MDFIC2: variants seen among roughly 807,000 people sequenced by gnomAD.
MDFIC2 encodes the protein MyoD family inhibitor domain containing 2.
At chr3:70,252,764 C>T (rs1026127526) in intron 2 of MDFIC2, among the ~76,000 whole-genome samples, 2 of 151,996 alleles carry the variant, frequency 1.3e-5, no homozygotes, top group African/African-American at 4.8e-5. Flanking sequence ...GTGAACAAAA[C>T]AAACTAAACC....
intron 2 of MDFIC2, among the ~76,000 whole-genome samples, chr3:70,230,469 A>G (rs572807429): frequency 1.1e-4 from 16 of 149,372 alleles, no homozygotes; most frequent in Admixed American, 2.7e-4. Flanking sequence ...CTATGAAATT[A>G]TTGTTACATT....
chr3:70,196,242 C>G lies in MDFIC2; in HGVS notation c.*684G>C, dbSNP rs1006018215. ...TAAGAATATGAATAACCTGTTATGA[C>G]ATAGTCATAGACATACAATAATATG... On this transcript the variant is annotated 3_prime_UTR_variant, in exon 4 of 4. Coordinates refer to ENST00000567252, the MANE Select transcript of MDFIC2 (RefSeq NM_001364677.1). 6.6e-6 allele frequency among the ~76,000 whole-genome samples: 1 copy of G among 152,124 alleles called. No individual in the cohort carries two copies. Among genetic ancestry groups the G allele is most frequent in the African/African-American group, 2.4e-5 (1 of 41,442 alleles).
At chr3:70,219,245 A>G (rs1701440930) in intron 2 of MDFIC2, among the ~76,000 whole-genome samples, 1 of 152,196 alleles carries the variant, frequency 6.6e-6, no homozygotes, top group Admixed American at 6.5e-5. Context: ...GATTTACACT[A>G]AATATCAACC....
At chr3:70,247,837 A>C (rs966405723) in intron 2 of MDFIC2, among the ~76,000 whole-genome samples, 1 of 152,070 alleles carries the variant, frequency 6.6e-6, no homozygotes, top group Non-Finnish European at 1.5e-5. Context: ...TAAAAAAAAT[A>C]GATATAAAAA....
rs140459515 is a variant in MDFIC2, at chr3:70,204,220, G to A, written c.310+2349C>T. On this transcript the variant is annotated intron_variant, in intron 3 of 3. Coordinates refer to ENST00000567252, the MANE Select transcript of MDFIC2 (RefSeq NM_001364677.1). ...TAAATTAGCCACAAACTACATGAAA[G>A]TGGATGCAGTATTCTCTTTTCCCTT... is the stretch of plus-strand genomic sequence containing the variant. 2.8e-4 allele frequency among the ~76,000 whole-genome samples: 42 copies of A among 152,282 alleles called. 2 individuals are homozygous for A. Among genetic ancestry groups the A allele is most frequent in the African/African-American group, 8.9e-4 (37 of 41,570 alleles).
rs144929265 is a variant in MDFIC2, at chr3:70,299,819, C to T, written c.88+12067G>A. 4.3e-4 allele frequency among the ~76,000 whole-genome samples: 65 copies of T among 152,190 alleles called. No homozygotes were observed. The South Asian group carries it at 4.8e-3, about 11-fold the overall frequency. On this transcript the variant is annotated intron_variant, in intron 2 of 3. Transcript: ENST00000567252. The stretch of plus-strand genomic sequence containing the variant: ...CTCTACCTTCCTGAAGCCAACCTCA[C>T]ATATATTTTATGGCTTCCCTTTGTT...
At chr3:70,303,730 G>A (rs1182299882) in intron 2 of MDFIC2, among the ~76,000 whole-genome samples, 1 of 152,120 alleles carries the variant, frequency 6.6e-6, no homozygotes, top group Non-Finnish European at 1.5e-5. Context: ...TGCCCAGGCT[G>A]AAGTGCAGTG....
intron 2 of MDFIC2, among the ~76,000 whole-genome samples, chr3:70,294,892 A>G (rs1235100452): frequency 3.3e-5 from 5 of 152,136 alleles, no homozygotes; most frequent in African/African-American, 4.8e-5. Flanking sequence ...TTTGTGAACC[A>G]TCTTAAAGGA....
At chr3:70,296,770 A>G (rs1420671807) in intron 2 of MDFIC2, among the ~76,000 whole-genome samples, 6 of 152,064 alleles carry the variant, frequency 3.9e-5, no homozygotes. Context: ...AAGCCCGACT[A>G]TCAGCTTTCT....
At chr3:70,281,376 G>C (rs1702080805) in intron 2 of MDFIC2, among the ~76,000 whole-genome samples, 1 of 151,984 alleles carries the variant, frequency 6.6e-6, no homozygotes, top group African/African-American at 2.4e-5. Context: ...CTGTCTAATG[G>C]GTACGATCAT....
At chr3:70,263,854 T>C (rs866783365) in intron 2 of MDFIC2, among the ~76,000 whole-genome samples, 1 of 152,134 alleles carries the variant, frequency 6.6e-6, no homozygotes, top group African/African-American at 2.4e-5. Context: ...TGGGCGATGG[T>C]GGAACTCACT....
intron 2 of MDFIC2, among the ~76,000 whole-genome samples, chr3:70,209,278 C>T (rs929303519): frequency 9.2e-5 from 14 of 152,000 alleles, no homozygotes; most frequent in Admixed American, 6.6e-4. Flanking sequence ...GCTAGTAGCA[C>T]CTGACCCTCT....
At chr3:70,244,770 GCACA>G (rs1275015439) in intron 2 of MDFIC2, among the ~76,000 whole-genome samples, 1 of 152,140 alleles carries the variant, frequency 6.6e-6, no homozygotes, top group African/African-American at 2.4e-5. Flanking sequence ...GCATGTGTGT[GCACA>G]CATATATAAA....
chr3:70,258,427 CAGAG>C (rs141152943), intron 2 of MDFIC2, among the ~76,000 whole-genome samples: 4 of 150,868 alleles, frequency 2.7e-5, no homozygotes, highest in Non-Finnish European at 4.4e-5. Context: ...TATGTATTTA[CAGAG>C]AGAGAGAGAG....
intron 1 of MDFIC2, 60 bp from the exon 2 acceptor site, chr3:70,312,033 C>T (rs916866047): frequency 7.6e-6 from 3 of 396,294 alleles, no homozygotes; most frequent in Admixed American, 4.4e-5. Flanking sequence ...TTTATAACAT[C>T]GAGTTTTATA....
chr3:70,208,338 C>T (rs1235125689), intron 2 of MDFIC2, among the ~76,000 whole-genome samples: 3 of 152,072 alleles, frequency 2.0e-5, no homozygotes. Flanking sequence ...GCTTATGCAG[C>T]TCAGTGCAAG....
At chr3:70,272,962 G>GT (rs1399604063) in intron 2 of MDFIC2, among the ~76,000 whole-genome samples, 1 of 152,166 alleles carries the variant, frequency 6.6e-6, no homozygotes, top group Non-Finnish European at 1.5e-5. Context: ...CCTGTGCATT[G>GT]TAATTGGCAT....
chr3:70,264,770 A>G (rs879488209), intron 2 of MDFIC2, among the ~76,000 whole-genome samples: 1 of 152,222 alleles, frequency 6.6e-6, no homozygotes. Context: ...GAATCTCATG[A>G]TAGGGAAAAT....
chr3:70,220,042 T>C (rs1223446617), intron 2 of MDFIC2, among the ~76,000 whole-genome samples: 1 of 152,066 alleles, frequency 6.6e-6, no homozygotes, highest in East Asian at 1.9e-4. Flanking sequence ...AAAGAAAAGA[T>C]TTTTCAAGTA....
Sources: allele counts gnomAD v4.1 joint callset (sites outside exome capture counted in the v4.1 genomes callset), GRCh38; gene constraint gnomAD v4.1.1; transcripts MANE v1.5; gene names NCBI Gene and HGNC (gene_info 2026-07-23, HGNC 2026-07-21).